The following C10orf143 variants were observed in gnomAD, a reference collection of about 807,000 sequenced individuals.
C10orf143 encodes the protein uncharacterized protein C10orf143.
At chr10:130,035,160 C>T (rs1469925832) in intron 4 of C10orf143, among the ~76,000 whole-genome samples, 1 of 152,192 alleles carries the variant, frequency 6.6e-6, no homozygotes, top group Non-Finnish European at 1.5e-5. Context: ...ATTTTCTCAC[C>T]ATCCAGGAGG....
At chr10:130,063,397 C>G (rs1240022229), downstream of C10orf143, among the ~76,000 whole-genome samples, 1 of 152,120 alleles carries the variant, frequency 6.6e-6, no homozygotes, top group African/African-American at 2.4e-5. Flanking sequence ...ACGCCAATAC[C>G]TTCTCCCTCT....
At chr10:130,101,811 C>T (rs536637298) in intron 1 of C10orf143, among the ~76,000 whole-genome samples, 2 of 129,270 alleles carry the variant, frequency 1.5e-5, no homozygotes, top group African/African-American at 6.2e-5. Flanking sequence ...AGTGAGCTCT[C>T]TGCAACTCCA....
At chr10:130,050,859 C>T (rs1860728958) in intron 3 of C10orf143, among the ~76,000 whole-genome samples, 1 of 152,202 alleles carries the variant, frequency 6.6e-6, no homozygotes, top group African/African-American at 2.4e-5. Flanking sequence ...GAGCACTGAC[C>T]TCAGCCATAG....
chr10:130,076,789 G>A (rs560656650), intron 3 of C10orf143, among the ~76,000 whole-genome samples: 12 of 152,230 alleles, frequency 7.9e-5, no homozygotes, highest in African/African-American at 1.9e-4. Flanking sequence ...CACGCAAGCC[G>A]CGCGATCCGG....
chr10:130,099,018 G>A (rs1023160354), intron 1 of C10orf143, among the ~76,000 whole-genome samples: 1 of 151,754 alleles, frequency 6.6e-6, no homozygotes, highest in Non-Finnish European at 1.5e-5. Flanking sequence ...AACCCAGGGG[G>A]CGGAGGTTGC....
intron 3 of C10orf143, among the ~76,000 whole-genome samples, chr10:130,046,493 AG>A (rs754080896): frequency 1.7e-4 from 26 of 152,174 alleles, no homozygotes; most frequent in Non-Finnish European, 2.8e-4. Flanking sequence ...CTGCCGTAAG[AG>A]TCTCGGGGTT....
intron 1 of C10orf143, among the ~76,000 whole-genome samples, chr10:130,081,180 C>A (rs1025582407): frequency 6.6e-6 from 1 of 151,660 alleles, no homozygotes; most frequent in African/African-American, 2.4e-5. Context: ...AAAAAGAGAG[C>A]AGGAGCAGAT....
intron 4 of C10orf143, among the ~76,000 whole-genome samples, chr10:130,035,288 G>A (rs540976662): frequency 1.0e-3 from 153 of 152,220 alleles, no homozygotes; most frequent in African/African-American, 3.5e-3. Flanking sequence ...GGTGTGTTTC[G>A]TCTGTGTCTT....
At chr10:130,063,228 C>T (rs971455470), downstream of C10orf143, among the ~76,000 whole-genome samples, 2 of 152,192 alleles carry the variant, frequency 1.3e-5, no homozygotes, top group Non-Finnish European at 2.9e-5. Flanking sequence ...CTGCTCTCTC[C>T]ATGAACGAGG....
intron 3 of C10orf143, among the ~76,000 whole-genome samples, chr10:130,038,096 T>C (rs1860565503): frequency 6.6e-6 from 1 of 152,142 alleles, no homozygotes; most frequent in Admixed American, 6.5e-5. Flanking sequence ...CCCTCCACAA[T>C]TGCTTCCTAC....
chr10:130,086,074 G>T (rs570246765), intron 1 of C10orf143, among the ~76,000 whole-genome samples: 1 of 152,180 alleles, frequency 6.6e-6, no homozygotes, highest in Admixed American at 6.5e-5. Flanking sequence ...TTTCTAAATT[G>T]CCAATATCCC....
intron 1 of C10orf143, chr10:130,107,451 A>C (rs772483588): frequency 1.4e-6 from 2 of 1,400,382 alleles, no homozygotes; most frequent in South Asian, 2.3e-5. Flanking sequence ...TGGGCTGCTG[A>C]AAGAAACCTC....
chr10:130,038,900 A>C (rs915929677), intron 3 of C10orf143, among the ~76,000 whole-genome samples: 1 of 152,160 alleles, frequency 6.6e-6, no homozygotes, highest in Non-Finnish European at 1.5e-5. Context: ...GCAGGCTCTG[A>C]CCACAGGGCA....
At chr10:130,055,505 G>T (rs923820653) in intron 3 of C10orf143, among the ~76,000 whole-genome samples, 1 of 152,190 alleles carries the variant, frequency 6.6e-6, no homozygotes, top group South Asian at 2.1e-4. Context: ...TCAACAACTT[G>T]CAGTGATTGC....
intron 1 of C10orf143, among the ~76,000 whole-genome samples, chr10:130,089,837 G>A (rs778408386): frequency 6.6e-5 from 10 of 152,148 alleles, no homozygotes; most frequent in Non-Finnish European, 1.0e-4. Context: ...GTGCTGACAC[G>A]ATTCAATATC....
chr10:130,079,496 T>G (rs576077050), intron 3 of C10orf143, 70 bp downstream of exon 3: 1 of 398,746 alleles, frequency 2.5e-6, no homozygotes, highest in African/African-American at 2.1e-5. Context: ...TTATTAACTT[T>G]GTTTTATGGA....
chr10:130,092,847 G>A (rs1303351763), intron 1 of C10orf143, among the ~76,000 whole-genome samples: 1 of 152,086 alleles, frequency 6.6e-6, no homozygotes, highest in African/African-American at 2.4e-5. Flanking sequence ...GTAAAGGGAT[G>A]AATGCAACAA....
chr10:130,048,024 G>A (rs1435123504), intron 3 of C10orf143, among the ~76,000 whole-genome samples: 4 of 152,152 alleles, frequency 2.6e-5, no homozygotes, highest in African/African-American at 9.7e-5. Context: ...TTTGCAATTT[G>A]TCTCCTGCCT....
At chr10:130,105,379 G>A (rs905452253) in intron 1 of C10orf143, among the ~76,000 whole-genome samples, 1 of 152,154 alleles carries the variant, frequency 6.6e-6, no homozygotes. Flanking sequence ...TACCCCCTCT[G>A]CGTTTCAGCT....
Sources: allele counts gnomAD v4.1 joint callset (sites outside exome capture counted in the v4.1 genomes callset), GRCh38; gene constraint gnomAD v4.1.1; transcripts MANE v1.5; gene names NCBI Gene and HGNC (gene_info 2026-07-23, HGNC 2026-07-21).